Variants in CREB5 observed in about 807,000 individuals in gnomAD.
The protein encoded by CREB5 is cyclic AMP-responsive element-binding protein 5.
In CREB5, 19 loss-of-function variants were observed where a neutral mutation model predicts 57.1. The observed-to-expected ratio is 0.33, with a 90% CI of 0.23 to 0.49. The LOEUF is 0.49. Among genes scored for constraint, CREB5 ranks in the 20% least tolerant of loss-of-function variants. The pLI, the probability that CREB5 is intolerant of heterozygous loss-of-function variation, is 0.99. For missense variants in CREB5, 579 were observed against 671.6 expected (o/e 0.86, Z 1.52); for synonymous variants, 238 against 238.3 (o/e 1.00, Z 0.01).
chr7:28,373,345 T>C (rs1230031750), intron 1 of CREB5, among the ~76,000 whole-genome samples: 1 of 152,226 alleles, frequency 6.6e-6, no homozygotes, highest in Non-Finnish European at 1.5e-5. Context: ...TTTTAAATGG[T>C]ACACATTAAG....
chr7:28,739,295 G>A (rs867915162), intron 7 of CREB5, among the ~76,000 whole-genome samples: 1 of 152,102 alleles, frequency 6.6e-6, no homozygotes, highest in Non-Finnish European at 1.5e-5. Flanking sequence ...ACTACATGAG[G>A]TCAGAGGCTA....
At chr7:28,592,530 C>T (rs1783848606) in intron 5 of CREB5, among the ~76,000 whole-genome samples, 1 of 152,116 alleles carries the variant, frequency 6.6e-6, no homozygotes, top group Non-Finnish European at 1.5e-5. Context: ...TCCTTTTGAA[C>T]TGAGAATATG....
At chr7:28,649,017 C>T (rs936773137) in intron 5 of CREB5, among the ~76,000 whole-genome samples, 3 of 152,150 alleles carry the variant, frequency 2.0e-5, no homozygotes, top group Non-Finnish European at 1.5e-5. Flanking sequence ...TACACCCCAC[C>T]AGAGAGGAAG....
At chr7:28,512,719 C>T (rs1311113307) in intron 4 of CREB5, among the ~76,000 whole-genome samples, 3 of 151,884 alleles carry the variant, frequency 2.0e-5, no homozygotes, top group African/African-American at 7.3e-5. Context: ...TAGAAATGAA[C>T]TCCTTTGTCC....
intron 1 of CREB5, among the ~76,000 whole-genome samples, chr7:28,418,000 GA>G (rs1171262376): frequency 1.3e-5 from 2 of 152,160 alleles, no homozygotes; most frequent in African/African-American, 4.8e-5. Flanking sequence ...CTCTGTTTCG[GA>G]AAAGGTCAGG....
chr7:28,777,402 TC>T (rs1477594115), intron 7 of CREB5, among the ~76,000 whole-genome samples: 2 of 152,200 alleles, frequency 1.3e-5, no homozygotes, highest in African/African-American at 4.8e-5. Flanking sequence ...GTAAGGAAAA[TC>T]CTTGTAGTAA....
chr7:28,625,386 A>G (rs1453006590), intron 5 of CREB5, among the ~76,000 whole-genome samples: 4 of 152,216 alleles, frequency 2.6e-5, no homozygotes, highest in Non-Finnish European at 5.9e-5. Context: ...TGCAAAGGAC[A>G]AGAGAGTTGT....
intron 1 of CREB5, among the ~76,000 whole-genome samples, chr7:28,427,454 G>A (rs752195782): frequency 1.3e-5 from 2 of 152,144 alleles, no homozygotes; most frequent in Non-Finnish European, 2.9e-5. Flanking sequence ...TTTGGCAAGA[G>A]AAATGTATAC....
At chr7:28,486,724 A>T (rs955149028) in intron 1 of CREB5, among the ~76,000 whole-genome samples, 10 of 135,612 alleles carry the variant, frequency 7.4e-5, no homozygotes, top group African/African-American at 2.8e-4. Flanking sequence ...CCACAAAACC[A>T]TGTATGCTAT....
chr7:28,637,481 A>C (rs1032255441), intron 5 of CREB5, among the ~76,000 whole-genome samples: 1 of 152,226 alleles, frequency 6.6e-6, no homozygotes, highest in Non-Finnish European at 1.5e-5. Flanking sequence ...ATGACTGTCA[A>C]TGTGAAAGAA....
chr7:28,574,714 T>C (rs1450177443), intron 5 of CREB5, among the ~76,000 whole-genome samples: 2 of 152,216 alleles, frequency 1.3e-5, no homozygotes, highest in Non-Finnish European at 2.9e-5. Context: ...TGGCCAAATA[T>C]ATCTAACATT....
chr7:28,411,283 G>C (rs567892303), upstream of CREB5, among the ~76,000 whole-genome samples: 1 of 152,126 alleles, frequency 6.6e-6, no homozygotes. Flanking sequence ...AGCAGAAGAG[G>C]GATGCTGACA....
intron 5 of CREB5, chr7:28,685,919 G>A (rs757980): frequency 0.79 from 345,464 of 440,030 alleles, 136,485 homozygotes; most frequent in East Asian, 0.95. Flanking sequence ...CCAGATTTAA[G>A]TGGTGACTTC....
At chr7:28,597,135 G>A (rs546979791) in intron 5 of CREB5, among the ~76,000 whole-genome samples, 1 of 152,320 alleles carries the variant, frequency 6.6e-6, no homozygotes, top group East Asian at 1.9e-4. Flanking sequence ...GGCAGGATAA[G>A]CAGTGCAGTT....
chr7:28,340,430 T>C (rs1015600884), intron 1 of CREB5, among the ~76,000 whole-genome samples: 2 of 152,120 alleles, frequency 1.3e-5, no homozygotes, highest in Non-Finnish European at 2.9e-5. Context: ...TATATAGAAA[T>C]GTTGTCTGGG....
At chr7:28,752,839 C>T (rs1481015265) in intron 7 of CREB5, among the ~76,000 whole-genome samples, 2 of 151,286 alleles carry the variant, frequency 1.3e-5, no homozygotes, top group African/African-American at 4.9e-5. Flanking sequence ...TGGTAGGTCA[C>T]TGAAAGAAGA....
At chr7:28,736,416 G>A (rs913582053) in intron 7 of CREB5, among the ~76,000 whole-genome samples, 1 of 152,078 alleles carries the variant, frequency 6.6e-6, no homozygotes, top group African/African-American at 2.4e-5. Context: ...TGATCCGCCT[G>A]CCTCAGCCTC....
At position 28,795,470 on chromosome 7, in the gene CREB5, T is replaced by C. The variant is rs1008272181; in HGVS notation, c.703-8729T>C. On this transcript the variant is annotated intron_variant, in intron 7 of 10. Transcript: ENST00000357727. ...TAATAGAATTGTAAGAAAAGGAGGG[T>C]ACCAGTATCTGGCAGAGGAGCCAAA... Among the ~76,000 whole-genome samples the C allele has an allele frequency of 2.6e-5, 4 of 152,292 alleles. No individual in the cohort carries two copies. The East Asian group carries it at 7.7e-4, about 29-fold the overall frequency.
intron 1 of CREB5, among the ~76,000 whole-genome samples, chr7:28,376,684 A>G (rs1046911357): frequency 6.6e-6 from 1 of 152,188 alleles, no homozygotes; most frequent in East Asian, 1.9e-4. Flanking sequence ...CACATGTTCT[A>G]TGTGGGTTAT....
Sources: gnomAD v4.1 joint callset for allele counts (sites outside exome capture counted in the v4.1 genomes callset) on GRCh38, gnomAD v4.1.1 for gene constraint, MANE v1.5 for transcripts, NCBI Gene and HGNC (gene_info 2026-07-23, HGNC 2026-07-21) for gene names.